ZKSCAN5: variants seen among roughly 807,000 people sequenced by gnomAD.
ZKSCAN5 encodes the protein zinc finger protein with KRAB and SCAN domains 5.
Under a neutral mutation model 60.0 loss-of-function variants are expected in ZKSCAN5, and 28 were observed. That is an observed-to-expected ratio of 0.47 (90% CI 0.35 to 0.64). ZKSCAN5 has a LOEUF of 0.64. Among genes scored for constraint, ZKSCAN5 ranks in the 30% least tolerant of loss-of-function variants. The pLI, the probability that ZKSCAN5 is intolerant of heterozygous loss-of-function variation, is 0.01. For synonymous variants in ZKSCAN5, 361 were observed against 371.2 expected (o/e 0.97, Z 0.31); for missense variants, 881 against 1,034.6 (o/e 0.85, Z 2.04).
Position 99,525,902 on chromosome 7 carries a change from A to AGG in ZKSCAN5, c.863_864dup (p.Ser289GlyfsTer126), listed in dbSNP as rs1648811542. The AGG allele has an allele frequency of 6.2e-7, 1 of 1,613,980 alleles. No homozygotes were observed. The highest frequency in any genetic ancestry group is 8.5e-7 in the Non-Finnish European group (1 of 1,180,034). On this transcript the variant is annotated frameshift_variant, in exon 6 of 7. Coordinates refer to ENST00000326775, the MANE Select transcript of ZKSCAN5 (RefSeq NM_145102.4). LOFTEE classifies it high-confidence loss of function. ...CTGGGTGGCGCCAGAACACACCGAA[A>AGG]GGAGCGTTCCTCAGGATCCAGACTT...
rs776215450 is a variant in ZKSCAN5, at chr7:99,519,815, C to T, written c.554-12C>T. ...GATGTTCTCACTTAAACCTCTTTTT[C>T]TCCTCCCTTAGCCCTTCCTGTTCTC... On this transcript the variant is annotated splice_polypyrimidine_tract_variant and intron_variant, in intron 3 of 6. Transcript: ENST00000326775. The T allele has an allele frequency of 3.1e-6, 5 of 1,612,392 alleles. No homozygotes were observed. Among genetic ancestry groups the T allele is most frequent in the East Asian group, 4.5e-5 (2 of 44,872 alleles).
chr7:99,512,395 G>A, intron 2 of ZKSCAN5, 58 bp from the exon 3 acceptor site: 1 of 1,559,656 alleles, frequency 6.4e-7, no homozygotes, highest in Non-Finnish European at 8.7e-7. Context: ...TGATTCTACT[G>A]ATTTCTTTCG....
chr7:99,507,469 ATG>A (rs1428024286), intron 2 of ZKSCAN5, among the ~76,000 whole-genome samples: 1 of 140,292 alleles, frequency 7.1e-6, no homozygotes, highest in African/African-American at 2.7e-5. Context: ...ATGCGTATAT[ATG>A]TGTATATATG....
intron 5 of ZKSCAN5, among the ~76,000 whole-genome samples, chr7:99,522,536 C>T (rs565140580): frequency 1.1e-3 from 163 of 150,974 alleles, no homozygotes; most frequent in South Asian, 2.1e-3. Flanking sequence ...TGCAGTGGTA[C>T]GATCTTGGCT....
At chr7:99,506,849 A>ATTTTTTTTTT (rs34098119) in intron 2 of ZKSCAN5, among the ~76,000 whole-genome samples, 4 of 125,918 alleles carry the variant, frequency 3.2e-5, no homozygotes, top group Admixed American at 8.0e-5. Flanking sequence ...GGCCCGGCTA[A>ATTTTTTTTTT]TTTTTTTTTT....
rs1802135531 is a variant in ZKSCAN5, at chr7:99,533,297, G to A, written c.*1048G>A. ...TCCTGTTAGCCCTGCCTTCCAGGAA[G>A]GTTGGGGTGGGAGTTTTGAGTGGGA... On this transcript the variant is annotated 3_prime_UTR_variant, in exon 7 of 7. Coordinates refer to ENST00000326775, the MANE Select transcript of ZKSCAN5 (RefSeq NM_145102.4). The A allele has an allele frequency of 3.0e-6, 2 of 665,750 alleles. No homozygotes were observed. Among genetic ancestry groups the A allele is most frequent in the Admixed American group, 4.2e-5 (2 of 48,186 alleles). 41.2% of individuals were successfully genotyped at this position (665,750 alleles called of 1,614,324 possible).
chr7:99,513,082 G>A (rs1801115588), intron 3 of ZKSCAN5, among the ~76,000 whole-genome samples: 3 of 148,930 alleles, frequency 2.0e-5, no homozygotes, highest in Non-Finnish European at 4.4e-5. Context: ...GCGGTGTTTG[G>A]TTTTTTGTTC....
intron 3 of ZKSCAN5, among the ~76,000 whole-genome samples, chr7:99,517,711 G>T (rs1432135429): frequency 1.3e-5 from 2 of 152,040 alleles, no homozygotes; most frequent in Non-Finnish European, 2.9e-5. Context: ...GCCGGGTGTG[G>T]TGGTGGGCGC....
chr7:99,506,487 T>G, intron 2 of ZKSCAN5, 29 bp downstream of exon 2: 2 of 1,582,260 alleles, frequency 1.3e-6, no homozygotes, highest in Non-Finnish European at 1.7e-6. Context: ...ATATGAGCAA[T>G]GAAGGAGAGG....
rs140339584 is a variant in ZKSCAN5, at chr7:99,525,738, C to T, written c.773-75C>T. On this transcript the variant is annotated intron_variant, in intron 5 of 6. Coordinates refer to ENST00000326775, the MANE Select transcript of ZKSCAN5 (RefSeq NM_145102.4). ...GGATCCCTAGCACATGTCAGTTTCT[C>T]TTCATTATCCCCTCATTTTATTTCT... 25 of 1,527,586 alleles carry T rather than the reference C, an allele frequency of 1.6e-5. No individual in the cohort carries two copies. The East Asian group carries it at 5.0e-4, about 30-fold the overall frequency. 94.6% of individuals were successfully genotyped at this position (1,527,586 alleles called of 1,614,324 possible). A position where few individuals can be genotyped will look rare whatever the true frequency, so the allele number is the denominator to read the frequency against.
rs146562422 is a variant in ZKSCAN5 at position 99,511,850 on chromosome 7, C to T, written c.415-603C>T. On this transcript the variant is annotated intron_variant, in intron 2 of 6. Transcript: ENST00000326775. ...TGTCACCCAGGCTAGAGTGCAGTGG[C>T]GCAATCTCGGCTCACTGCAAGCTCC... Among the ~76,000 whole-genome samples the T allele has an allele frequency of 2.9e-3, 445 of 151,836 alleles. 1 individual carries two copies. The highest frequency in any genetic ancestry group is 0.01 in the African/African-American group (425 of 41,394).
At chr7:99,508,440 G>A (rs1016146698) in intron 2 of ZKSCAN5, among the ~76,000 whole-genome samples, 1 of 151,446 alleles carries the variant, frequency 6.6e-6, no homozygotes. Flanking sequence ...ATCAAAATTG[G>A]TCATGATTGC....
chr7:99,513,329 G>A (rs900814416), intron 3 of ZKSCAN5, among the ~76,000 whole-genome samples: 1 of 151,362 alleles, frequency 6.6e-6, no homozygotes, highest in South Asian at 2.1e-4. Context: ...TGGGTACAGG[G>A]ACTGTTAAAA....
Position 99,533,409 on chromosome 7 carries a change from G to A in ZKSCAN5, c.*1160G>A. On this transcript the variant is annotated 3_prime_UTR_variant, in exon 7 of 7. Transcript: ENST00000326775. ...CTTGGGCACTGCTCAGGCCGTTTCT[G>A]CTGACTTGCCTGGCTTACAATAAAT... 1 of 535,550 alleles carries A rather than the reference G, an allele frequency of 1.9e-6. No individual in the cohort carries two copies. Among genetic ancestry groups the A allele is most frequent in the South Asian group, 2.6e-5 (1 of 38,452 alleles). The allele number at this position is 535,550 out of a possible 1,614,324, so 33.2% of individuals were successfully genotyped here.
chr7:99,520,361 G>C, intron 5 of ZKSCAN5, 57 bp downstream of exon 5: 1 of 1,523,798 alleles, frequency 6.6e-7, no homozygotes, highest in South Asian at 1.3e-5. Flanking sequence ...ATCTTGTAAA[G>C]AGTATTTCTG....
At chr7:99,510,695 C>T (rs770733131) in intron 2 of ZKSCAN5, among the ~76,000 whole-genome samples, 6 of 152,076 alleles carry the variant, frequency 3.9e-5, no homozygotes, top group African/African-American at 7.2e-5. Context: ...CTGCCCGCCT[C>T]GGCCCCCCAA....
intron 6 of ZKSCAN5, among the ~76,000 whole-genome samples, chr7:99,528,092 G>C (rs1174613869): frequency 6.7e-6 from 1 of 149,086 alleles, no homozygotes; most frequent in African/African-American, 2.5e-5. Context: ...TTCTTCAGAT[G>C]ATTCTAAGAC....
In ZKSCAN5 at chr7:99,532,144, ATG is replaced by A; in HGVS notation, c.2418_2419del (p.Cys806TrpfsTer9). The A allele has an allele frequency of 6.2e-7, 1 of 1,613,978 alleles. No homozygotes were observed. On this transcript the variant is annotated frameshift_variant, in exon 7 of 7. Transcript: ENST00000326775. LOFTEE classifies it high-confidence loss of function. ...TGEKPFQCKECGMNFSWSCSL... is the reference protein window; with the variant it reads ...TGEKPFQCKEXGMNFSWSCSL... ...GTGAGAAACCTTTTCAATGTAAAGA[ATG>A]TGGAATGAATTTCAGCTGGAGTTGT...
rs199745819 is a variant in ZKSCAN5 at position 99,532,165 on chromosome 7, G to A, written c.2436G>A (p.Trp812Ter). The change falls in exon 7 of 7, where the codon TGG (tryptophan) becomes TGA (stop). Residue 812 changes from tryptophan (W) to a stop codon, truncating the protein, a stop_gained. Transcript: ENST00000326775. LOFTEE classifies it low-confidence loss of function (END_TRUNC). Reference protein sequence around the residue: ...QCKECGMNFSWSCSLFKHLRS... With the variant: ...QCKECGMNFS ...AAGAATGTGGAATGAATTTCAGCTG[G>A]AGTTGTAGCCTCTTTAAACACCTGA... is the stretch of plus-strand genomic sequence containing the variant. 1 of 1,613,642 alleles carries A rather than the reference G, an allele frequency of 6.2e-7. No individual in the cohort carries two copies. The highest frequency in any genetic ancestry group is 8.5e-7 in the Non-Finnish European group (1 of 1,180,024).
Sources: gnomAD v4.1 joint callset for allele counts (sites outside exome capture counted in the v4.1 genomes callset) on GRCh38, gnomAD v4.1.1 for gene constraint, MANE v1.5 for transcripts, NCBI Gene and HGNC (gene_info 2026-07-23, HGNC 2026-07-21) for gene names.